The following TMEM132C variants were observed in gnomAD, a reference collection of about 807,000 sequenced individuals.
TMEM132C encodes transmembrane protein 132C.
TMEM132C carries 29 observed loss-of-function variants against 61.4 expected under a neutral mutation model. The ratio of observed to expected loss-of-function variants is 0.47; its 90% CI spans 0.35 to 0.64. The LOEUF is 0.64. Ranked by LOEUF, TMEM132C falls within the 30% of genes least tolerant of loss-of-function variation. The pLI is 0.00. For missense variants in TMEM132C, 1,408 were observed against 1,476.9 expected (o/e 0.95, Z 0.76); for synonymous variants, 656 against 633.1 (o/e 1.04, Z -0.54).
intron 2 of TMEM132C, among the ~76,000 whole-genome samples, chr12:128,540,838 C>T (rs1044628945): frequency 3.3e-5 from 5 of 152,072 alleles, no homozygotes; most frequent in Non-Finnish European, 1.5e-5. Flanking sequence ...CTGGAGAAAT[C>T]GTCAGGGCCC....
intron 2 of TMEM132C, among the ~76,000 whole-genome samples, chr12:128,425,347 G>T (rs1869145363): frequency 6.6e-6 from 1 of 152,214 alleles, no homozygotes; most frequent in African/African-American, 2.4e-5. Context: ...CTGTTAAAGG[G>T]AGCAGCCACA....
chr12:128,283,510 A>G (rs566122725), intron 1 of TMEM132C, among the ~76,000 whole-genome samples: 37 of 150,564 alleles, frequency 2.5e-4, no homozygotes, highest in African/African-American at 8.8e-4. Flanking sequence ...ACCTCCATCT[A>G]CTGTTCTGTA....
chr12:128,545,165 C>A (rs1873904277), intron 3 of TMEM132C, among the ~76,000 whole-genome samples: 1 of 152,160 alleles, frequency 6.6e-6, no homozygotes, highest in Admixed American at 6.5e-5. Flanking sequence ...TTGTTCCCAT[C>A]TTTATAACCA....
At position 128,355,212 on chromosome 12, in the gene TMEM132C, G is replaced by T. The variant is rs74325071; in HGVS notation, c.86-59520G>T. Among the ~76,000 whole-genome samples the T allele has an allele frequency of 4.3e-4, 65 of 152,262 alleles. 2 individuals carry two copies. In the East Asian group the frequency reaches 0.011, roughly 26 times the overall value. The stretch of plus-strand genomic sequence containing the variant: ...AGGCCTCCATTTTCACAGGGGCACT[G>T]GGGGACACCAAGAGGATGAGCAGGA... On this transcript the variant is annotated intron_variant, in intron 1 of 8. Transcript: ENST00000435159.
At chr12:128,539,343 G>A (rs149793954) in intron 2 of TMEM132C, among the ~76,000 whole-genome samples, 53 of 152,284 alleles carry the variant, frequency 3.5e-4, no homozygotes, top group African/African-American at 1.1e-3. Flanking sequence ...TGGGCTGGGC[G>A]TGGTGTCTCA....
rs145386403 is a variant in TMEM132C at position 128,365,255 on chromosome 12, G to A, written c.86-49477G>A. The stretch of plus-strand genomic sequence containing the variant: ...CTTTGCCCCGACTGCAAAATGGAAC[G>A]GTCCAAGTGCTCATGATGTAGAATT... On this transcript the variant is annotated intron_variant, in intron 1 of 8. Transcript: ENST00000435159. 1.4e-3 allele frequency among the ~76,000 whole-genome samples: 219 copies of A among 152,262 alleles called. 1 individual carries two copies. Among genetic ancestry groups the A allele is most frequent in the African/African-American group, 4.4e-3 (181 of 41,536 alleles).
chr12:128,670,915 A>T (rs79737067), intron 5 of TMEM132C, among the ~76,000 whole-genome samples: 3,676 of 152,250 alleles, frequency 0.024, 368 homozygotes, highest in Admixed American at 0.17. Context: ...ATTTCTGGTT[A>T]AAAAAAGCAA....
intron 4 of TMEM132C, among the ~76,000 whole-genome samples, chr12:128,623,655 A>C (rs572701039): frequency 6.6e-6 from 1 of 152,024 alleles, no homozygotes; most frequent in South Asian, 2.1e-4. Flanking sequence ...AAAAATACAA[A>C]AAATCAGCCG....
intron 1 of TMEM132C, among the ~76,000 whole-genome samples, chr12:128,408,687 G>A (rs1049969306): frequency 9.2e-5 from 14 of 152,200 alleles, no homozygotes; most frequent in African/African-American, 3.4e-4. Flanking sequence ...CTGAAATTAG[G>A]GGGTTAAAAT....
chr12:128,529,411 A>C (rs1873202956), intron 2 of TMEM132C, among the ~76,000 whole-genome samples: 1 of 152,212 alleles, frequency 6.6e-6, no homozygotes, highest in African/African-American at 2.4e-5. Flanking sequence ...GTATTCTATA[A>C]GACAAGTGAC....
chr12:128,383,778 A>G (rs1036970469), intron 1 of TMEM132C, among the ~76,000 whole-genome samples: 3 of 152,286 alleles, frequency 2.0e-5, no homozygotes, highest in African/African-American at 7.2e-5. Context: ...AGGGAGGGAA[A>G]AGGCTAAGCC....
chr12:128,408,075 G>A (rs1875409489), intron 1 of TMEM132C, among the ~76,000 whole-genome samples: 1 of 152,112 alleles, frequency 6.6e-6, no homozygotes, highest in Non-Finnish European at 1.5e-5. Context: ...GGAGCTGGAA[G>A]AATTCAGAAT....
intron 4 of TMEM132C, among the ~76,000 whole-genome samples, chr12:128,634,733 G>A (rs565110852): frequency 4.6e-5 from 7 of 152,256 alleles, no homozygotes; most frequent in African/African-American, 1.2e-4. Context: ...AGAAACAGAC[G>A]CCATCTATAG....
At chr12:128,306,875 A>G (rs1186076090) in intron 1 of TMEM132C, among the ~76,000 whole-genome samples, 1 of 152,316 alleles carries the variant, frequency 6.6e-6, no homozygotes, top group East Asian at 1.9e-4. Context: ...AAGCCTGGGC[A>G]TATGTTAGCA....
At chr12:128,583,869 A>G (rs958018768) in intron 3 of TMEM132C, among the ~76,000 whole-genome samples, 3 of 152,218 alleles carry the variant, frequency 2.0e-5, no homozygotes, top group African/African-American at 7.2e-5. Context: ...TCCTGCAGAG[A>G]AAAAGCTGAA....
At chr12:128,481,905 T>C (rs1179476010) in intron 2 of TMEM132C, among the ~76,000 whole-genome samples, 1 of 152,170 alleles carries the variant, frequency 6.6e-6, no homozygotes, top group Non-Finnish European at 1.5e-5. Context: ...TGAGAAGCCT[T>C]TGCAGAACCC....
chr12:128,401,625 A>G (rs1490108147), intron 1 of TMEM132C, among the ~76,000 whole-genome samples: 5 of 152,216 alleles, frequency 3.3e-5, no homozygotes, highest in Admixed American at 3.3e-4. Context: ...CCACCCCAGT[A>G]GTTGCAATTC....
In TMEM132C at chr12:128,302,310, T is replaced by C. The variant is rs189149467; in HGVS notation, c.85+34823T>C. Among the ~76,000 whole-genome samples, 671 of 152,324 alleles carry C rather than the reference T, an allele frequency of 4.4e-3. 3 individuals carry two copies. The highest frequency in any genetic ancestry group is 7.6e-3 in the Non-Finnish European group (514 of 68,026). On this transcript the variant is annotated intron_variant, in intron 1 of 8. Transcript: ENST00000435159. ...GTCATCACAGTGCTGGCTGATCTTA[T>C]TATTATCTGTCTCACAAATCAAATA... is the stretch of plus-strand genomic sequence containing the variant.
intron 1 of TMEM132C, among the ~76,000 whole-genome samples, chr12:128,367,403 G>A (rs1345648271): frequency 7.2e-5 from 11 of 152,198 alleles, no homozygotes; most frequent in Non-Finnish European, 1.5e-5. Flanking sequence ...AGCTTTTCTG[G>A]TGAGGTGTTT....
Sources: gnomAD v4.1 joint callset for allele counts (sites outside exome capture counted in the v4.1 genomes callset) on GRCh38, gnomAD v4.1.1 for gene constraint, MANE v1.5 for transcripts, NCBI Gene and HGNC (gene_info 2026-07-23, HGNC 2026-07-21) for gene names.